PRIM2: variants seen among roughly 807,000 people sequenced by gnomAD.
PRIM2 encodes DNA primase subunit 2.
PRIM2 carries 39 observed loss-of-function variants against 67.3 expected under a neutral mutation model. The observed-to-expected ratio is 0.58, with a 90% CI of 0.45 to 0.76. The LOEUF (loss-of-function observed/expected upper bound fraction) is 0.76, where lower values mean the gene tolerates loss of function less well. Among genes scored for constraint, PRIM2 ranks in the 30% least tolerant of loss-of-function variants. PRIM2 has a pLI of 0.00. For synonymous variants in PRIM2, 143 were observed against 198.7 expected (o/e 0.72, Z 2.36); for missense variants, 398 against 598.7 (o/e 0.66, Z 3.50).
intron 7 of PRIM2, among the ~76,000 whole-genome samples, chr6:57,445,484 CAA>C (rs1772335146): frequency 6.6e-6 from 1 of 152,106 alleles, no homozygotes; most frequent in Non-Finnish European, 1.5e-5. Context: ...GTAGACCTCC[CAA>C]TTACACTGCT....
intron 7 of PRIM2, among the ~76,000 whole-genome samples, chr6:57,496,253 A>G (rs1554346382): frequency 0.27 from 40,909 of 150,632 alleles, 5,371 homozygotes; most frequent in East Asian, 0.43. Flanking sequence ...TGCAGAATAG[A>G]TTATCTTTAA....
the PRIM2 span, among the ~76,000 whole-genome samples, chr6:57,307,725 T>C: frequency 1.3e-5 from 2 of 152,154 alleles, no homozygotes; most frequent in Non-Finnish European, 2.9e-5. Flanking sequence ...TGTTGCCACC[T>C]TGAGAGAAGC....
At chr6:57,393,030 A>C (rs942981348) in intron 7 of PRIM2, among the ~76,000 whole-genome samples, 1 of 151,508 alleles carries the variant, frequency 6.6e-6, no homozygotes, top group Non-Finnish European at 1.5e-5. Flanking sequence ...ACACACACAC[A>C]CCACAGTTTC....
intron 7 of PRIM2, among the ~76,000 whole-genome samples, chr6:57,448,123 G>C (rs9475972): frequency 1.3e-5 from 2 of 152,040 alleles, no homozygotes; most frequent in African/African-American, 2.4e-5. Flanking sequence ...CTCCAGTGCC[G>C]ATCTTTATTT....
intron 5 of PRIM2, among the ~76,000 whole-genome samples, chr6:57,364,418 A>G (rs546747206): frequency 3.1e-4 from 47 of 152,306 alleles, no homozygotes; most frequent in African/African-American, 1.1e-3. Context: ...TATGTCAGGT[A>G]TTAAGTCAAG....
intron 5 of PRIM2, among the ~76,000 whole-genome samples, chr6:57,336,231 G>T (rs1441492822): frequency 6.6e-6 from 1 of 152,204 alleles, no homozygotes; most frequent in Non-Finnish European, 1.5e-5. Context: ...ATCTGCGTCT[G>T]ATTGGTGTAC....
chr6:57,367,083 T>G (rs915070241), intron 5 of PRIM2, among the ~76,000 whole-genome samples: 14 of 152,180 alleles, frequency 9.2e-5, no homozygotes, highest in Non-Finnish European at 1.6e-4. Flanking sequence ...CAATTGATTT[T>G]TATATTGATT....
chr6:57,390,211 A>G (rs1356543009), intron 7 of PRIM2: 1 of 154,798 alleles, frequency 6.5e-6, no homozygotes, highest in African/African-American at 2.4e-5. Flanking sequence ...CGCCAACCTA[A>G]TAACAGAAAA....
chr6:57,290,353 A>G, the PRIM2 span, among the ~76,000 whole-genome samples: 1 of 152,216 alleles, frequency 6.6e-6, no homozygotes, highest in Non-Finnish European at 1.5e-5. Flanking sequence ...AGATTCATCA[A>G]GCAAGTCCTT....
chr6:57,426,098 C>T (rs1771616078), intron 7 of PRIM2, among the ~76,000 whole-genome samples: 1 of 152,114 alleles, frequency 6.6e-6, no homozygotes, highest in East Asian at 1.9e-4. Flanking sequence ...ATATACTTTA[C>T]ATATAATAAT....
chr6:57,400,177 G>T (rs915275680), intron 7 of PRIM2, among the ~76,000 whole-genome samples: 1 of 152,268 alleles, frequency 6.6e-6, no homozygotes, highest in Non-Finnish European at 1.5e-5. Context: ...TGGCTTGTTT[G>T]TGTGGTTGCT....
At chr6:57,569,384 A>G (rs1404622746) in intron 10 of PRIM2, among the ~76,000 whole-genome samples, 1 of 152,238 alleles carries the variant, frequency 6.6e-6, no homozygotes, top group Admixed American at 6.5e-5. Context: ...GAAAAGTTGC[A>G]GATATTAACA....
At chr6:57,240,108 T>TGTTTTG in the PRIM2 span, among the ~76,000 whole-genome samples, 3 of 135,048 alleles carry the variant, frequency 2.2e-5, no homozygotes, top group Non-Finnish European at 5.0e-5. Context: ...TTTTTTTTTT[T>TGTTTTG]TTTTTTTTGA....
rs548701420 is a variant in PRIM2, at chr6:57,415,537, A to G, written c.693+33369A>G. ...TGAGTTGTAATCTTTTTGCTGGTGG[A>G]GGGTCTTGCCTCAATGTTGATGTCC... On this transcript the variant is annotated intron_variant, in intron 7 of 13. Coordinates refer to ENST00000615550, the MANE Select transcript of PRIM2 (RefSeq NM_000947.5). Among the ~76,000 whole-genome samples, 302 of 152,264 alleles carry G rather than the reference A, an allele frequency of 2.0e-3. 2 individuals are homozygous for G. The highest frequency in any genetic ancestry group is 6.6e-3 in the African/African-American group (274 of 41,562).
In PRIM2 at chr6:57,357,743, C is replaced by T. The variant is rs538006823; in HGVS notation, c.460-22158C>T. Among the ~76,000 whole-genome samples, 3 of 152,208 alleles carry T rather than the reference C, an allele frequency of 2.0e-5. No homozygotes were observed. In the South Asian group the frequency reaches 6.2e-4, roughly 32 times the overall value. On this transcript the variant is annotated intron_variant, in intron 5 of 13. Transcript: ENST00000615550. ...CCTGAGTAGCTAGGATTACAGGTGC[C>T]TGCCACCACTCCTGGCTAATGTTTG...
chr6:57,269,668 C>G, the PRIM2 span, among the ~76,000 whole-genome samples: 1 of 152,062 alleles, frequency 6.6e-6, no homozygotes, highest in African/African-American at 2.4e-5. Flanking sequence ...GCTTTTGTTG[C>G]CATTGCTTTT....
intron 7 of PRIM2, among the ~76,000 whole-genome samples, chr6:57,449,355 A>T (rs1450749758): frequency 3.9e-5 from 6 of 152,148 alleles, no homozygotes; most frequent in Non-Finnish European, 7.4e-5. Flanking sequence ...AAATTACTTT[A>T]TTGTTGTTCT....
Position 57,453,992 on chromosome 6 carries a change from A to C in PRIM2, c.694-53395A>C, listed in dbSNP as rs1366006025. Among the ~76,000 whole-genome samples the C allele has an allele frequency of 2.6e-5, 4 of 152,322 alleles. No individual in the cohort carries two copies. In the East Asian group the frequency reaches 7.7e-4, roughly 29 times the overall value. ...ACCTAATTTATTGAGAGTTTTTAGCATGAAGGGTTGTCGAATTTTGTCAAA... is the reference window on the plus strand; with the variant it reads ...ACCTAATTTATTGAGAGTTTTTAGCCTGAAGGGTTGTCGAATTTTGTCAAA... On this transcript the variant is annotated intron_variant, in intron 7 of 13. Transcript: ENST00000615550.
At chr6:57,278,869 C>A in the PRIM2 span, among the ~76,000 whole-genome samples, 2 of 152,152 alleles carry the variant, frequency 1.3e-5, no homozygotes, top group Non-Finnish European at 2.9e-5. Context: ...ACTAGGAGAT[C>A]TTCCCCATCA....
Sources: allele counts gnomAD v4.1 joint callset (sites outside exome capture counted in the v4.1 genomes callset), GRCh38; gene constraint gnomAD v4.1.1; transcripts MANE v1.5; gene names NCBI Gene and HGNC (gene_info 2026-07-23, HGNC 2026-07-21).